Variants in ESCO1 observed in about 807,000 individuals in gnomAD.
ESCO1 encodes establishment of sister chromatid cohesion N-acetyltransferase 1.
ESCO1 carries 33 observed loss-of-function variants against 83.5 expected under a neutral mutation model. The observed-to-expected ratio is 0.40, with a 90% CI of 0.30 to 0.53. The LOEUF (loss-of-function observed/expected upper bound fraction) is 0.53, where lower values mean the gene tolerates loss of function less well. ESCO1 is among the 20% of genes least tolerant of loss of function. The probability of loss-of-function intolerance (pLI) is 0.63; values close to 1 mark genes in which losing one functional copy is unlikely to be tolerated. For synonymous variants in ESCO1, 332 were observed against 324.3 expected, an observed-to-expected ratio of 1.02 and a Z score of -0.25; for missense variants, 855 against 968.0, an observed-to-expected ratio of 0.88 and a Z score of 1.55.
At chr18:21,530,792 C>CA (rs1215175733) in intron 11 of ESCO1, among the ~76,000 whole-genome samples, 4 of 152,176 alleles carry the variant, frequency 2.6e-5, no homozygotes, top group Non-Finnish European at 5.9e-5. Context: ...CAAGGAATAT[C>CA]AGAGTTAATG....
intron 10 of ESCO1, 152 bp downstream of exon 10, chr18:21,535,890 C>T: frequency 2.3e-6 from 2 of 876,814 alleles, no homozygotes; most frequent in Non-Finnish European, 1.7e-6. Context: ...ACCATTATTC[C>T]ACTATGGTGA....
At chr18:21,595,692 G>A (rs535330179) in intron 1 of ESCO1, among the ~76,000 whole-genome samples, 5 of 125,386 alleles carry the variant, frequency 4.0e-5, no homozygotes, top group East Asian at 2.4e-4. Flanking sequence ...GGCGGGGTGC[G>A]GTGGCTCACG....
chr18:21,585,066 G>A (rs1431440144), intron 1 of ESCO1, among the ~76,000 whole-genome samples: 3 of 150,692 alleles, frequency 2.0e-5, no homozygotes, highest in Admixed American at 6.6e-5. Context: ...GCTTGAACCC[G>A]GGAGGCAGAG....
intron 11 of ESCO1, 32 bp from the exon 12 acceptor site, chr18:21,530,522 TAA>T (rs1401067291): frequency 1.6e-6 from 2 of 1,287,528 alleles, no homozygotes; most frequent in East Asian, 5.8e-5. Flanking sequence ...GGGGAAGGGT[TAA>T]GTGTGAAATG....
Position 21,573,419 on chromosome 18 carries a change from G to T in ESCO1, c.1425C>A (p.Thr475=). 1 of 1,611,730 alleles carries T rather than the reference G, an allele frequency of 6.2e-7. No individual in the cohort carries two copies. The highest frequency in any genetic ancestry group is 2.2e-5 in the East Asian group (1 of 44,820). Residue 475 remains threonine, a synonymous_variant, in exon 4 of 12, where the codon ACC becomes ACA. Coordinates refer to ENST00000269214, the MANE Select transcript of ESCO1 (RefSeq NM_052911.3). ...INDITVEINK[T]TERAPENCHL... is the part of the protein sequence containing the mutation. Reference sequence around the variant, plus strand: ...GACAATTTTCAGGAGCCCTTTCTGTGGTTTTATTAATTTCTACTGTAATAT... The same window carrying T: ...GACAATTTTCAGGAGCCCTTTCTGTTGTTTTATTAATTTCTACTGTAATAT...
intron 1 of ESCO1, among the ~76,000 whole-genome samples, chr18:21,600,208 G>C (rs910108025): frequency 3.3e-5 from 5 of 152,246 alleles, no homozygotes; most frequent in Non-Finnish European, 5.9e-5. Context: ...GGGCGGAGAC[G>C]GGGCCCGGAG....
intron 8 of ESCO1, among the ~76,000 whole-genome samples, chr18:21,543,788 T>C (rs2037936607): frequency 6.6e-6 from 1 of 152,138 alleles, no homozygotes; most frequent in Non-Finnish European, 1.5e-5. Flanking sequence ...GGGAGAACTT[T>C]GGGATTAAAA....
At chr18:21,583,054 C>T (rs759824057) in intron 2 of ESCO1, among the ~76,000 whole-genome samples, 48 of 152,018 alleles carry the variant, frequency 3.2e-4, no homozygotes, top group Non-Finnish European at 6.0e-4. Context: ...AGCGGGCAGG[C>T]ACCTGTAATC....
chr18:21,597,254 A>C (rs1056078226), intron 1 of ESCO1, among the ~76,000 whole-genome samples: 14 of 152,252 alleles, frequency 9.2e-5, no homozygotes, highest in African/African-American at 3.4e-4. Flanking sequence ...GATTGATAGG[A>C]AAATCCAGCT....
rs2038173914 is a variant in ESCO1 at position 21,560,751 on chromosome 18, T to C, written c.1953+108A>G. The C allele has an allele frequency of 2.2e-6, 3 of 1,363,838 alleles. No individual in the cohort carries two copies. The Admixed American group carries it at 7.6e-5, about 34-fold the overall frequency. The allele number at this position is 1,363,838 out of a possible 1,614,324, so 84.5% of individuals were successfully genotyped here. A position where few individuals can be genotyped will look rare whatever the true frequency, so the allele number is the denominator to read the frequency against. On this transcript the variant is annotated intron_variant, in intron 8 of 11. Transcript: ENST00000269214. ...CACGTGCTTTGTACATATTATTATC[T>C]CTTAAAAACATAAATTTTTCAGTGA...
intron 4 of ESCO1, among the ~76,000 whole-genome samples, 189 bp from the exon 5 acceptor site, chr18:21,568,283 T>C (rs1405280173): frequency 6.6e-6 from 1 of 152,120 alleles, no homozygotes; most frequent in Non-Finnish European, 1.5e-5. Flanking sequence ...TTACCCTTCA[T>C]GCTAAATTTA....
At chr18:21,599,167 T>C (rs980138056) in intron 1 of ESCO1, among the ~76,000 whole-genome samples, 1 of 152,050 alleles carries the variant, frequency 6.6e-6, no homozygotes, top group Non-Finnish European at 1.5e-5. Context: ...CGAAACGCCG[T>C]CTCAACAACA....
At chr18:21,594,955 G>GTGTGTC (rs1358449642) in intron 1 of ESCO1, among the ~76,000 whole-genome samples, 1 of 138,066 alleles carries the variant, frequency 7.2e-6, no homozygotes, top group Non-Finnish European at 1.7e-5. Flanking sequence ...GTGTGTGTGT[G>GTGTGTC]TGTGTGTGTG....
intron 4 of ESCO1, among the ~76,000 whole-genome samples, chr18:21,568,796 G>C (rs1221649237): frequency 6.6e-6 from 1 of 151,796 alleles, no homozygotes; most frequent in African/African-American, 2.4e-5. Flanking sequence ...CCAGCTACTC[G>C]GGAGGCTGAG....
chr18:21,591,849 AG>A (rs1005772129), intron 1 of ESCO1, among the ~76,000 whole-genome samples: 1 of 151,350 alleles, frequency 6.6e-6, no homozygotes, highest in Admixed American at 6.6e-5. Flanking sequence ...TGGGTACTTG[AG>A]ATTAGGGAGT....
chr18:21,550,807 C>T (rs1349486110), intron 8 of ESCO1, among the ~76,000 whole-genome samples: 3 of 152,040 alleles, frequency 2.0e-5, no homozygotes, highest in Non-Finnish European at 4.4e-5. Context: ...AAGAAAACAC[C>T]CAATAAATGA....
chr18:21,534,473 C>G (rs2037806787), intron 10 of ESCO1, among the ~76,000 whole-genome samples: 1 of 152,210 alleles, frequency 6.6e-6, no homozygotes, highest in Non-Finnish European at 1.5e-5. Context: ...CCAGAAGCTT[C>G]TGTTCTCTTA....
intron 7 of ESCO1, 118 bp from the exon 8 acceptor site, chr18:21,561,108 AT>A (rs2038180331): frequency 1.1e-6 from 1 of 933,216 alleles, no homozygotes; most frequent in Admixed American, 3.6e-5. Flanking sequence ...CATGAATAAC[AT>A]TCAATGTTAA....
At position 21,574,562 on chromosome 18, in the gene ESCO1, T is replaced by G. The variant is rs781101513; in HGVS notation, c.282A>C (p.Ser94=). 7 of 1,613,840 alleles carry G rather than the reference T, an allele frequency of 4.3e-6. No homozygotes were observed. The highest frequency in any genetic ancestry group is 4.5e-5 in the East Asian group (2 of 44,874). The change falls in exon 4 of 12, where the codon TCA becomes TCC. Residue 94 remains serine, a synonymous_variant. Coordinates refer to ENST00000269214, the MANE Select transcript of ESCO1 (RefSeq NM_052911.3). The part of the protein sequence containing the change: ...NKNTVTVRGY[S]QESTKKKLSQ... ...ATAATTTCTTTTTTGTAGATTCTTG[T>G]GAATATCCCCTCACAGTCACCGTAT...
Sources: gnomAD v4.1 joint callset for allele counts (sites outside exome capture counted in the v4.1 genomes callset) on GRCh38, gnomAD v4.1.1 for gene constraint, MANE v1.5 for transcripts, NCBI Gene and HGNC (gene_info 2026-07-23, HGNC 2026-07-21) for gene names.